Variants in HDAC9 observed in about 807,000 individuals in gnomAD.
HDAC9 encodes MEF-2 interacting transcription repressor (MITR) protein.
In HDAC9, 41 loss-of-function variants were observed where a neutral mutation model predicts 139.4. That is an observed-to-expected ratio of 0.29 (90% CI 0.23 to 0.38). HDAC9 has a LOEUF of 0.38. HDAC9 is among the 10% of genes least tolerant of loss of function. The pLI is 1.00. For missense variants in HDAC9, 1,147 were observed against 1,297.0 expected, an observed-to-expected ratio of 0.88 and a Z score of 1.78; for synonymous variants, 517 against 476.2, an observed-to-expected ratio of 1.09 and a Z score of -1.12.
intron 22 of HDAC9, among the ~76,000 whole-genome samples, chr7:18,933,093 C>T (rs1192767566): frequency 6.6e-6 from 1 of 152,114 alleles, no homozygotes; most frequent in Non-Finnish European, 1.5e-5. Flanking sequence ...CCATATTCAA[C>T]CCCAGTGTCT....
Position 18,593,893 on chromosome 7 carries a change from C to G in HDAC9, c.543-15C>G, listed in dbSNP as rs1394549800. 1 of 1,611,800 alleles carries G rather than the reference C, an allele frequency of 6.2e-7. No individual in the cohort carries two copies. The highest frequency in any genetic ancestry group is 8.5e-7 in the Non-Finnish European group (1 of 1,178,540). On this transcript the variant is annotated splice_polypyrimidine_tract_variant and intron_variant, in intron 5 of 25. Transcript: ENST00000686413. ...AACTACCAAGTAAATAGTGAAACTT[C>G]CTTGTCTTTTCTAGGGCTGCCCACC...
chr7:18,681,826 A>T (rs1394903912), intron 12 of HDAC9, among the ~76,000 whole-genome samples: 1 of 152,020 alleles, frequency 6.6e-6, no homozygotes, highest in African/African-American at 2.4e-5. Flanking sequence ...CCACCCTCTG[A>T]CATCTCTTGG....
intron 12 of HDAC9, chr7:18,666,837 T>A (rs552688533): frequency 1.9e-6 from 2 of 1,063,190 alleles, no homozygotes; most frequent in South Asian, 7.0e-5. Context: ...TATTTTGAGT[T>A]TATGTGTTGA....
chr7:18,822,310 A>G lies in HDAC9; in HGVS notation c.2323-6851A>G, dbSNP rs1007904858. Reference sequence around the variant, plus strand: ...CATACAAAAAGACACCTTTCACTTCAGAGAGTCCAAGGGTTTGGTTTTTGT... The same window carrying G: ...CATACAAAAAGACACCTTTCACTTCGGAGAGTCCAAGGGTTTGGTTTTTGT... On this transcript the variant is annotated intron_variant, in intron 17 of 25. Coordinates refer to ENST00000686413, the MANE Select transcript of HDAC9 (RefSeq NM_178425.4). 5.3e-5 allele frequency among the ~76,000 whole-genome samples: 8 copies of G among 151,984 alleles called. No individual in the cohort carries two copies. The East Asian group carries it at 1.6e-3, about 30-fold the overall frequency.
chr7:18,911,360 G>A (rs1242827855), intron 22 of HDAC9, among the ~76,000 whole-genome samples: 5 of 151,140 alleles, frequency 3.3e-5, no homozygotes, highest in Non-Finnish European at 7.4e-5. Context: ...TTGTATAGTC[G>A]GTGTCAGTTG....
chr7:18,941,944 T>C (rs1435317666), intron 23 of HDAC9, among the ~76,000 whole-genome samples: 3 of 152,118 alleles, frequency 2.0e-5, no homozygotes, highest in Non-Finnish European at 4.4e-5. Context: ...AACTCCATTA[T>C]ATAAATTTTC....
chr7:18,115,952 AT>A (rs1264922323), intron 1 of HDAC9, among the ~76,000 whole-genome samples: 3 of 152,206 alleles, frequency 2.0e-5, no homozygotes, highest in African/African-American at 4.8e-5. Flanking sequence ...ACTTCACTAC[AT>A]TGATACTTAG....
intron 25 of HDAC9, among the ~76,000 whole-genome samples, chr7:18,983,860 C>T (rs1175043171): frequency 1.3e-5 from 2 of 152,084 alleles, no homozygotes; most frequent in African/African-American, 4.8e-5. Context: ...CACATCAGGG[C>T]TTCCTTGGCA....
intron 1 of HDAC9, among the ~76,000 whole-genome samples, chr7:18,101,178 C>A (rs1033610457): frequency 1.3e-5 from 2 of 152,126 alleles, no homozygotes; most frequent in South Asian, 4.1e-4. Context: ...ATTTAGCTTT[C>A]CCCCCTCCAG....
intron 1 of HDAC9, among the ~76,000 whole-genome samples, chr7:18,480,895 C>G (rs1234917184): frequency 6.6e-6 from 1 of 152,154 alleles, no homozygotes; most frequent in African/African-American, 2.4e-5. Flanking sequence ...AAATTAAAAA[C>G]TAGTATCTGC....
chr7:18,991,026 C>G (rs958521435), intron 25 of HDAC9, among the ~76,000 whole-genome samples: 78 of 152,354 alleles, frequency 5.1e-4, no homozygotes, highest in Non-Finnish European at 5.0e-4. Flanking sequence ...ATGCTGGGAG[C>G]TGTAGACCGG....
intron 1 of HDAC9, among the ~76,000 whole-genome samples, chr7:18,465,965 G>C (rs963281356): frequency 6.6e-6 from 1 of 152,090 alleles, no homozygotes; most frequent in Non-Finnish European, 1.5e-5. Context: ...TTACAGTTTT[G>C]TGATCTGGAA....
At chr7:18,203,511 C>A (rs569051534) in intron 2 of HDAC9, among the ~76,000 whole-genome samples, 2 of 152,134 alleles carry the variant, frequency 1.3e-5, no homozygotes, top group South Asian at 4.2e-4. Context: ...GCATACTATT[C>A]CAAGTAGAAA....
At chr7:18,727,493 T>G in intron 12 of HDAC9, 87 bp from the exon 13 acceptor site, 29 of 1,120,806 alleles carry the variant, frequency 2.6e-5, no homozygotes, top group Non-Finnish European at 3.3e-5. Flanking sequence ...TCTGACCTGA[T>G]GAACTTAATT....
chr7:18,250,643 A>C (rs1288324520), intron 2 of HDAC9, among the ~76,000 whole-genome samples: 1 of 152,194 alleles, frequency 6.6e-6, no homozygotes, highest in Non-Finnish European at 1.5e-5. Flanking sequence ...TTACCACGCA[A>C]ATCTCAAAGC....
At chr7:18,485,875 A>G (rs1394678014) in intron 1 of HDAC9, among the ~76,000 whole-genome samples, 1 of 152,200 alleles carries the variant, frequency 6.6e-6, no homozygotes, top group Admixed American at 6.6e-5. Context: ...CAGGCCTCTT[A>G]TCCATACAAT....
At chr7:18,142,470 A>G (rs1785975394) in intron 1 of HDAC9, among the ~76,000 whole-genome samples, 1 of 152,220 alleles carries the variant, frequency 6.6e-6, no homozygotes, top group African/African-American at 2.4e-5. Context: ...ATTCTTGTGC[A>G]GTGCCATGAC....
intron 13 of HDAC9, among the ~76,000 whole-genome samples, chr7:18,741,611 C>A (rs1482828951): frequency 1.3e-5 from 2 of 150,424 alleles, no homozygotes; most frequent in Admixed American, 1.3e-4. Flanking sequence ...AGCATCCATT[C>A]TGCAGCCCAT....
At chr7:18,725,573 G>A (rs1785480554) in intron 12 of HDAC9, among the ~76,000 whole-genome samples, 1 of 152,162 alleles carries the variant, frequency 6.6e-6, no homozygotes. Flanking sequence ...TAGAAGTTGG[G>A]TGATCAGTTA....
Sources: gnomAD v4.1 joint callset for allele counts (sites outside exome capture counted in the v4.1 genomes callset) on GRCh38, gnomAD v4.1.1 for gene constraint, MANE v1.5 for transcripts, NCBI Gene and HGNC (gene_info 2026-07-23, HGNC 2026-07-21) for gene names.